The following DAB1 variants were observed in gnomAD, a reference collection of about 807,000 sequenced individuals.
The protein encoded by DAB1 is disabled homolog 1.
Under a neutral mutation model 64.6 loss-of-function variants are expected in DAB1, and 15 were observed. The observed-to-expected ratio is 0.23, with a 90% CI of 0.16 to 0.36. The LOEUF (loss-of-function observed/expected upper bound fraction) is 0.36. DAB1 is among the 10% of genes least tolerant of loss of function. The pLI, the probability that DAB1 is intolerant of heterozygous loss-of-function variation, is 1.00. For missense variants in DAB1, 596 were observed against 706.7 expected, an observed-to-expected ratio of 0.84 and a Z score of 1.78; for synonymous variants, 235 against 251.9, an observed-to-expected ratio of 0.93 and a Z score of 0.64.
chr1:57,330,489 G>A (rs896899719), intron 1 of DAB1, among the ~76,000 whole-genome samples: 7 of 152,054 alleles, frequency 4.6e-5, no homozygotes, highest in East Asian at 1.9e-4. Flanking sequence ...ACTGAGCCTC[G>A]GTTTCCTCAC....
At chr1:57,050,739 AT>A (rs1649103459) in intron 9 of DAB1, among the ~76,000 whole-genome samples, 2 of 152,162 alleles carry the variant, frequency 1.3e-5, no homozygotes, top group Admixed American at 6.6e-5. Context: ...AATCACAATT[AT>A]TTTTATAGGT....
At chr1:57,597,624 A>G (rs1178549413) in intron 7 of DAB1, among the ~76,000 whole-genome samples, 1 of 152,248 alleles carries the variant, frequency 6.6e-6, no homozygotes, top group Non-Finnish European at 1.5e-5. Flanking sequence ...GTTCTGAGAG[A>G]TGAATAGCTA....
intron 6 of DAB1, among the ~76,000 whole-genome samples, chr1:57,674,313 A>G (rs912843860): frequency 4.6e-5 from 7 of 152,192 alleles, no homozygotes; most frequent in Non-Finnish European, 7.3e-5. Context: ...TATGATTGCC[A>G]TTTTATGGAT....
intron 7 of DAB1, among the ~76,000 whole-genome samples, chr1:57,488,919 T>C (rs1644127302): frequency 6.6e-6 from 1 of 152,218 alleles, no homozygotes; most frequent in Non-Finnish European, 1.5e-5. Context: ...AGAAGCTTAA[T>C]AAATTACATC....
chr1:57,033,686 G>A (rs1216887309), intron 9 of DAB1: 4 of 1,002,746 alleles, frequency 4.0e-6, no homozygotes, highest in Non-Finnish European at 6.1e-6. Flanking sequence ...GGTCTCAGTA[G>A]GCGGGAGCTG....
chr1:57,077,974 A>G (rs1244186747), intron 4 of DAB1, among the ~76,000 whole-genome samples: 1 of 152,222 alleles, frequency 6.6e-6, no homozygotes, highest in Non-Finnish European at 1.5e-5. Flanking sequence ...AAATAGATAC[A>G]TGAAAAAACA....
intron 1 of DAB1, among the ~76,000 whole-genome samples, chr1:57,411,978 A>T (rs1684149380): frequency 6.6e-6 from 1 of 152,198 alleles, no homozygotes; most frequent in South Asian, 2.1e-4. Flanking sequence ...GTCTATCACC[A>T]TCATTTTCCA....
chr1:57,483,550 T>C (rs565082845), intron 7 of DAB1, among the ~76,000 whole-genome samples: 1 of 152,336 alleles, frequency 6.6e-6, no homozygotes, highest in South Asian at 2.1e-4. Flanking sequence ...GGTATGTCTT[T>C]ATCAGGAGCA....
intron 1 of DAB1, among the ~76,000 whole-genome samples, chr1:57,308,436 T>C (rs1674385874): frequency 6.6e-6 from 1 of 152,170 alleles, no homozygotes; most frequent in Non-Finnish European, 1.5e-5. Context: ...TATCAAATAC[T>C]CCTTTGAAAA....
chr1:58,050,914 C>A (rs1053943190), intron 5 of DAB1, among the ~76,000 whole-genome samples: 1 of 152,144 alleles, frequency 6.6e-6, no homozygotes, highest in African/African-American at 2.4e-5. Context: ...ATCCATAATT[C>A]ATTCACCAAA....
chr1:57,143,908 T>A (rs1001269559), intron 3 of DAB1, among the ~76,000 whole-genome samples: 1 of 151,624 alleles, frequency 6.6e-6, no homozygotes, highest in Non-Finnish European at 1.5e-5. Flanking sequence ...TTGAAGATGT[T>A]TATGTATATG....
At chr1:57,881,933 A>C (rs546637584) in intron 1 of DAB1, among the ~76,000 whole-genome samples, 1 of 152,354 alleles carries the variant, frequency 6.6e-6, no homozygotes, top group East Asian at 1.9e-4. Flanking sequence ...ACCTTTTAGA[A>C]ATATTAAAGG....
chr1:58,541,322 A>T (rs1044231202), intron 1 of DAB1, among the ~76,000 whole-genome samples: 6 of 126,764 alleles, frequency 4.7e-5, no homozygotes, highest in African/African-American at 1.8e-4. Flanking sequence ...AAAAAAAAAA[A>T]AAAAAAAAAA....
intron 6 of DAB1, among the ~76,000 whole-genome samples, chr1:57,676,423 T>C (rs77541637): frequency 1.4e-3 from 211 of 152,304 alleles, no homozygotes; most frequent in Non-Finnish European, 2.6e-3. Flanking sequence ...TAGTTCAAAT[T>C]AAACATATGA....
intron 1 of DAB1, among the ~76,000 whole-genome samples, chr1:57,417,953 C>T (rs1415752647): frequency 1.1e-4 from 17 of 152,144 alleles, no homozygotes; most frequent in Non-Finnish European, 2.1e-4. Flanking sequence ...ATGAAGCCTT[C>T]CCCCAGCCTT....
intron 9 of DAB1, among the ~76,000 whole-genome samples, chr1:57,033,173 C>CACAT (rs1055970178): frequency 6.8e-6 from 1 of 147,436 alleles, no homozygotes; most frequent in African/African-American, 2.5e-5. Flanking sequence ...CTTTTGTTTA[C>CACAT]ACACACACAC....
intron 7 of DAB1, among the ~76,000 whole-genome samples, chr1:57,449,321 C>T (rs773619949): frequency 4.6e-5 from 7 of 151,302 alleles, no homozygotes; most frequent in African/African-American, 1.7e-4. Flanking sequence ...TTATAAAGAA[C>T]CATATTGTCA....
chr1:57,637,290 C>T (rs1646068697), intron 7 of DAB1, among the ~76,000 whole-genome samples: 1 of 152,162 alleles, frequency 6.6e-6, no homozygotes, highest in African/African-American at 2.4e-5. Flanking sequence ...GAAAAAAATG[C>T]ATTCCCAGCT....
At chr1:57,744,163 A>C in intron 6 of DAB1, among the ~76,000 whole-genome samples, 2 of 152,224 alleles carry the variant, frequency 1.3e-5, no homozygotes, top group East Asian at 3.9e-4. Context: ...CTTGCTCCCA[A>C]CATGACTCTG....
Sources: gnomAD v4.1 joint callset for allele counts (sites outside exome capture counted in the v4.1 genomes callset) on GRCh38, gnomAD v4.1.1 for gene constraint, MANE v1.5 for transcripts, NCBI Gene and HGNC (gene_info 2026-07-23, HGNC 2026-07-21) for gene names.